Variants in PCNT observed in about 807,000 individuals in gnomAD.
The protein encoded by PCNT is pericentrin.
PCNT carries 319 observed loss-of-function variants against 380.4 expected under a neutral mutation model. That is an observed-to-expected ratio of 0.84 (90% CI 0.77 to 0.92). The LOEUF (loss-of-function observed/expected upper bound fraction) is 0.92, where lower values mean the gene tolerates loss of function less well. Among genes scored for constraint, PCNT ranks in the 40% least tolerant of loss-of-function variants. PCNT has a pLI of 0.00. For synonymous variants in PCNT, 1,845 were observed against 1,735.2 expected (o/e 1.06, Z -1.57); for missense variants, 4,400 against 4,255.3 (o/e 1.03, Z -0.95).
Position 46,418,293 on chromosome 21 carries a change from T to C in PCNT, c.7011T>C (p.Asp2337=), listed in dbSNP as rs138506849. Residue 2337 remains aspartate (D), a synonymous_variant, in exon 31 of 47, where the codon GAT becomes GAC. Coordinates refer to ENST00000359568, the MANE Select transcript of PCNT (RefSeq NM_006031.6). The part of the protein sequence containing the change: ...SPPPGLEGKA[D]RSEKSDGSGF... ...CTCCTGGATTAGAAGGAAAAGCTGA[T>C]AGAAGTGAGAAAAGTGAGTTGGTTA... 37 of 1,582,188 alleles carry C rather than the reference T, an allele frequency of 2.3e-5. No homozygotes were observed. The African/African-American group carries it at 4.4e-4, about 19-fold the overall frequency.
At chr21:46,439,873 T>TTA (rs1438835182) in intron 41 of PCNT, among the ~76,000 whole-genome samples, 1 of 152,230 alleles carries the variant, frequency 6.6e-6, no homozygotes, top group East Asian at 1.9e-4. Flanking sequence ...CATGTCGTAA[T>TTA]TACTCCATGT....
At chr21:46,442,776 C>G in intron 44 of PCNT, 1 of 622,294 alleles carries the variant, frequency 1.6e-6, no homozygotes, top group Non-Finnish European at 2.9e-6. Context: ...GCTATGAACA[C>G]AGGTCACAGG....
rs549907154 is a variant in PCNT at position 46,377,241 on chromosome 21, G to A, written c.3166-4453G>A. Among the ~76,000 whole-genome samples, 274 of 152,308 alleles carry A rather than the reference G, an allele frequency of 1.8e-3. 2 individuals are homozygous for A. The highest frequency in any genetic ancestry group is 0.01 in the Middle Eastern group (3 of 294). ...GGAGCCCCAGCCCTCAGCCCTCCTG[G>A]CCGTGCTGGGCAGGGAGCGGGAGCC... On this transcript the variant is annotated intron_variant, in intron 15 of 46. Transcript: ENST00000359568.
rs753398573 is a variant in PCNT at position 46,411,922 on chromosome 21, G to A, written c.5849G>A (p.Arg1950Gln). 2.3e-5 allele frequency: 36 copies of A among 1,590,102 alleles called. No individual in the cohort carries two copies. The highest frequency in any genetic ancestry group is 1.9e-4 in the Admixed American group (11 of 58,794). Residue 1950 changes from arginine to glutamine, a missense_variant, in exon 28 of 47, where the codon CGG (arginine) becomes CAG (glutamine). Physicochemically the swap from Arg to Gln is conservative, Grantham distance 43. Coordinates refer to ENST00000359568, the MANE Select transcript of PCNT (RefSeq NM_006031.6). Reference protein sequence around the residue: ...FLRCQVELDRRQARRATAHTR... With the variant: ...FLRCQVELDRQQARRATAHTR... ...AGGTGCCAGGTGGAGCTGGACAGGC[G>A]GCAGGCCCGCAGAGCCACAGCTCAC...
intron 13 of PCNT, among the ~76,000 whole-genome samples, chr21:46,359,528 C>T (rs372821141): frequency 3.2e-5 from 3 of 93,082 alleles, no homozygotes; most frequent in South Asian, 3.6e-4. Context: ...CTCACTCTAT[C>T]GCCAGGGTGG....
intron 28 of PCNT, 105 bp from the exon 29 acceptor site, chr21:46,412,732 C>A: frequency 8.3e-7 from 1 of 1,199,488 alleles, no homozygotes; most frequent in Non-Finnish European, 1.2e-6. Flanking sequence ...CTCCCTCTGG[C>A]ATCCCTGCTG....
At chr21:46,418,368 C>G (rs1158602099) in intron 31 of PCNT, 62 bp downstream of exon 31, 2 of 983,792 alleles carry the variant, frequency 2.0e-6, no homozygotes, top group South Asian at 2.7e-5. Context: ...ACAGAATAGT[C>G]AAAAGAATTC....
chr21:46,419,984 C>G (rs952114899), intron 31 of PCNT, among the ~76,000 whole-genome samples: 1 of 152,194 alleles, frequency 6.6e-6, no homozygotes, highest in Non-Finnish European at 1.5e-5. Flanking sequence ...TTTTTGAGAA[C>G]TTCCTCGTCT....
rs1416438190 is a variant in PCNT, at chr21:46,388,901, C to T, written c.3607+17C>T. Reference sequence around the variant, plus strand: ...TGTCGACAGGTGAGTGTGCCGGGACCAGCTGCCCAGCCCTGTGCTTGCAGC... The same window carrying T: ...TGTCGACAGGTGAGTGTGCCGGGACTAGCTGCCCAGCCCTGTGCTTGCAGC... On this transcript the variant is annotated intron_variant, in intron 18 of 46. Transcript: ENST00000359568. The surrounding 1 kb of genome is among the most constrained non-coding windows in gnomAD (Gnocchi z 4.2). 60 of 1,582,356 alleles carry T rather than the reference C, an allele frequency of 3.8e-5. No individual in the cohort carries two copies. The highest frequency in any genetic ancestry group is 5.1e-5 in the Non-Finnish European group (60 of 1,170,348).
At chr21:46,417,113 G>T (rs1019984732) in intron 30 of PCNT, among the ~76,000 whole-genome samples, 2 of 151,150 alleles carry the variant, frequency 1.3e-5, no homozygotes, top group Non-Finnish European at 2.9e-5. Context: ...GCCCAGACAC[G>T]TCTTCGTGTG....
chr21:46,358,086 C>T (rs949918022), intron 13 of PCNT, among the ~76,000 whole-genome samples: 10 of 152,064 alleles, frequency 6.6e-5, no homozygotes, highest in African/African-American at 1.7e-4. Context: ...GCTCAGGGTC[C>T]GTCCCATGCC....
chr21:46,391,456 A>AC, intron 21 of PCNT, 80 bp downstream of exon 21: 1 of 1,172,998 alleles, frequency 8.5e-7, no homozygotes. Context: ...GCTCCCAAGG[A>AC]CACTCAGTGT....
chr21:46,435,460 A>G lies in PCNT; in HGVS notation c.8752-444A>G, dbSNP rs1569304223. 2.0e-5 allele frequency among the ~76,000 whole-genome samples: 3 copies of G among 151,926 alleles called. 1 individual carries two copies. ...AGACTGGTCTCGAACTCCTGACCTC[A>G]GGTGATCCGCTTGCTGCAGTCTCCC... On this transcript the variant is annotated intron_variant, in intron 38 of 46. Coordinates refer to ENST00000359568, the MANE Select transcript of PCNT (RefSeq NM_006031.6).
chr21:46,421,996 C>G lies in PCNT; in HGVS notation c.7051C>G (p.Leu2351Val). 1 of 1,614,144 alleles carries G rather than the reference C, an allele frequency of 6.2e-7. No individual in the cohort carries two copies. The highest frequency in any genetic ancestry group is 8.5e-7 in the Non-Finnish European group (1 of 1,180,030). Residue 2351 changes from leucine to valine, a missense_variant, in exon 32 of 47, where the codon CTG becomes GTG. Transcript: ENST00000359568. ...TGACGGCTCGGGTTTTGGAGCAAGACTGAGCCCGGGGTCAGGAGGCCCTGA... is the reference window on the plus strand; with the variant it reads ...TGACGGCTCGGGTTTTGGAGCAAGAGTGAGCCCGGGGTCAGGAGGCCCTGA... ...KSDGSGFGARLSPGSGGPEAQ... is the reference protein window; with the variant it reads ...KSDGSGFGARVSPGSGGPEAQ...
At chr21:46,387,379 C>T (rs1029288156) in intron 17 of PCNT, among the ~76,000 whole-genome samples, 4 of 152,070 alleles carry the variant, frequency 2.6e-5, no homozygotes, top group African/African-American at 4.8e-5. Context: ...AGCTCTAAAC[C>T]GAGGGGCACA....
At chr21:46,352,697 C>G (rs546341847) in intron 9 of PCNT, among the ~76,000 whole-genome samples, 1 of 152,220 alleles carries the variant, frequency 6.6e-6, no homozygotes, top group Admixed American at 6.5e-5. Context: ...CAAGATGGTA[C>G]AGCTGGGTTT....
chr21:46,382,721 A>C (rs72497654), intron 16 of PCNT, among the ~76,000 whole-genome samples: 48,927 of 131,548 alleles, frequency 0.37, 11,685 homozygotes, highest in East Asian at 0.49. Context: ...TCAGTGGCGG[A>C]AGCGCATTCA....
At position 46,403,412 on chromosome 21, in the gene PCNT, A is replaced by C. The variant is rs1386483276; in HGVS notation, c.5115+929A>C. Reference sequence around the variant, plus strand: ...GTGTGTGGTGCCCACGCGGCGCGTGATTGGTGAATGAACACAGCGTGGGAG... The same window carrying C: ...GTGTGTGGTGCCCACGCGGCGCGTGCTTGGTGAATGAACACAGCGTGGGAG... On this transcript the variant is annotated intron_variant, in intron 27 of 46. Transcript: ENST00000359568. Among the ~76,000 whole-genome samples, 51 of 85,616 alleles carry C rather than the reference A, an allele frequency of 6.0e-4. 1 individual carries two copies. Among genetic ancestry groups the C allele is most frequent in the African/African-American group, 1.8e-3 (35 of 19,982 alleles). 56.2% of individuals were successfully genotyped at this position (85,616 alleles called of 152,430 possible). A position where few individuals can be genotyped will look rare whatever the true frequency, so the allele number is the denominator to read the frequency against.
At chr21:46,330,891 T>TG (rs1387985970) in intron 2 of PCNT, among the ~76,000 whole-genome samples, 3 of 152,252 alleles carry the variant, frequency 2.0e-5, no homozygotes, top group Non-Finnish European at 4.4e-5. Context: ...GGAACCTTTA[T>TG]GTTATAGTTG....
Sources: allele counts gnomAD v4.1 joint callset (sites outside exome capture counted in the v4.1 genomes callset), GRCh38; gene constraint gnomAD v4.1.1; non-coding constraint Gnocchi (gnomAD v3.1); transcripts MANE v1.5; gene names NCBI Gene and HGNC (gene_info 2026-07-23, HGNC 2026-07-21).